The following ULK4 variants were observed in gnomAD, a reference collection of about 807,000 sequenced individuals.
The protein encoded by ULK4 is unc-51 like kinase 4.
Under a neutral mutation model 160.6 loss-of-function variants are expected in ULK4, and 133 were observed. The observed-to-expected ratio is 0.83, with a 90% CI of 0.72 to 0.96. The LOEUF (loss-of-function observed/expected upper bound fraction) is 0.96, where lower values mean the gene tolerates loss of function less well. Among genes scored for constraint, ULK4 ranks in the 40% least tolerant of loss-of-function variants. ULK4 has a pLI of 0.00. For missense variants in ULK4, 1,580 were observed against 1,499.5 expected (o/e 1.05, Z -0.89); for synonymous variants, 534 against 539.8 (o/e 0.99, Z 0.15).
intron 20 of ULK4, among the ~76,000 whole-genome samples, chr3:41,795,195 C>T (rs984567189): frequency 1.2e-4 from 19 of 152,188 alleles, no homozygotes; most frequent in African/African-American, 4.1e-4. Flanking sequence ...CTTCCAAATG[C>T]ATATACTCAG....
intron 32 of ULK4, among the ~76,000 whole-genome samples, chr3:41,510,090 C>T (rs1235299926): frequency 1.3e-5 from 2 of 152,082 alleles, no homozygotes. Context: ...GGAGAGTCAC[C>T]TAACACATAA....
At chr3:41,793,000 A>G (rs12185908) in intron 20 of ULK4, among the ~76,000 whole-genome samples, 1 of 151,990 alleles carries the variant, frequency 6.6e-6, no homozygotes, top group Non-Finnish European at 1.5e-5. Flanking sequence ...AGGTAAAACC[A>G]CATCTCTACT....
At chr3:41,842,762 C>A (rs2041966914) in intron 17 of ULK4, among the ~76,000 whole-genome samples, 1 of 152,182 alleles carries the variant, frequency 6.6e-6, no homozygotes, top group African/African-American at 2.4e-5. Context: ...TATAAATTAT[C>A]CTGCCTCAGG....
At chr3:41,374,107 T>C (rs1274301375) in intron 35 of ULK4, among the ~76,000 whole-genome samples, 5 of 152,134 alleles carry the variant, frequency 3.3e-5, no homozygotes, top group African/African-American at 1.2e-4. Flanking sequence ...AATCCCTGAA[T>C]AGACCAAAAA....
Position 41,831,531 on chromosome 3 carries a change from A to ATATATATATATTTTTTT in ULK4, c.1764+4332_1764+4333insAAAAAAATATATATATA. On this transcript the variant is annotated intron_variant, in intron 18 of 36. Coordinates refer to ENST00000301831, the MANE Select transcript of ULK4 (RefSeq NM_017886.4). The stretch of plus-strand genomic sequence containing the variant: ...TTATTGTTATTTTATATATATATAT[A>ATATATATATATTTTTTT]TTTTTTTTTCTTTCTTAAACTTTAG... Among the ~76,000 whole-genome samples, 26 of 138,128 alleles carry ATATATATATATTTTTTT rather than the reference A, an allele frequency of 1.9e-4. No individual in the cohort carries two copies. The East Asian group carries it at 2.7e-3, about 15-fold the overall frequency. The allele number at this position is 138,128 out of a possible 152,430, so 90.6% of individuals were successfully genotyped here. A position where few individuals can be genotyped will look rare whatever the true frequency, so the allele number is the denominator to read the frequency against.
intron 17 of ULK4, among the ~76,000 whole-genome samples, chr3:41,861,631 T>C (rs1472853974): frequency 6.6e-6 from 1 of 152,162 alleles, no homozygotes; most frequent in Non-Finnish European, 1.5e-5. Flanking sequence ...TTGTCTTCTT[T>C]GGGTTAAATC....
At chr3:41,615,799 C>A in intron 30 of ULK4, 82 bp from the exon 31 acceptor site, 6 of 1,264,728 alleles carry the variant, frequency 4.7e-6, no homozygotes, top group Non-Finnish European at 6.7e-6. Context: ...GCACCTCAGC[C>A]CCCATGTTTT....
chr3:41,250,966 C>A (rs146673428), intron 35 of ULK4: 2 of 152,150 alleles, frequency 1.3e-5, no homozygotes, highest in Non-Finnish European at 2.9e-5. Context: ...TGAGGATTCC[C>A]ACTTCATTTT....
At chr3:41,568,360 T>C (rs951745485) in intron 31 of ULK4, among the ~76,000 whole-genome samples, 44 of 152,156 alleles carry the variant, frequency 2.9e-4, no homozygotes, top group African/African-American at 1.1e-3. Flanking sequence ...TGAGCAAAGA[T>C]TTAAAGAAGT....
chr3:41,758,170 T>C (rs2038868694), intron 21 of ULK4, among the ~76,000 whole-genome samples: 1 of 152,114 alleles, frequency 6.6e-6, no homozygotes, highest in African/African-American at 2.4e-5. Context: ...GGGCCCACAA[T>C]AGACACCAAA....
intron 16 of ULK4, among the ~76,000 whole-genome samples, chr3:41,890,239 T>TC (rs1697869854): frequency 6.6e-6 from 1 of 151,910 alleles, no homozygotes; most frequent in African/African-American, 2.4e-5. Flanking sequence ...GAATTATACC[T>TC]CAATAAACAA....
chr3:41,715,302 T>A lies in ULK4; in HGVS notation c.2578-9A>T. On this transcript the variant is annotated splice_polypyrimidine_tract_variant and intron_variant, in intron 24 of 36. Coordinates refer to ENST00000301831, the MANE Select transcript of ULK4 (RefSeq NM_017886.4). ...ACTTGAGGTCGAAATACCTGTGTGA[T>A]GAGAGTTTCTACAGATTAAATTCTG... 1 of 1,613,848 alleles carries A rather than the reference T, an allele frequency of 6.2e-7. No individual in the cohort carries two copies. The highest frequency in any genetic ancestry group is 8.5e-7 in the Non-Finnish European group (1 of 1,179,942).
chr3:41,417,382 T>C (rs1377603264), intron 34 of ULK4, among the ~76,000 whole-genome samples: 2 of 152,070 alleles, frequency 1.3e-5, no homozygotes, highest in Non-Finnish European at 2.9e-5. Flanking sequence ...TGACAAAACA[T>C]AGCTGAAACA....
intron 31 of ULK4, among the ~76,000 whole-genome samples, chr3:41,576,668 T>TA (rs974338721): frequency 2.0e-5 from 3 of 152,096 alleles, no homozygotes; most frequent in African/African-American, 4.8e-5. Flanking sequence ...TACAAAAGGA[T>TA]AAAAAAGGCC....
rs2085020578 is a variant in ULK4 at position 41,497,101 on chromosome 3, A to T, written c.3227-33848T>A. Among the ~76,000 whole-genome samples the T allele has an allele frequency of 2.0e-5, 3 of 152,180 alleles. No individual in the cohort carries two copies. The Middle Eastern group carries it at 0.01, about 521-fold the overall frequency. ...GATGATACAGGTTTTAAAGCAGCTA[A>T]TGATAATATGTTGAAAGACATAAAA... On this transcript the variant is annotated intron_variant, in intron 32 of 36. Transcript: ENST00000301831.
At chr3:41,773,982 T>C (rs982082049) in intron 21 of ULK4, among the ~76,000 whole-genome samples, 3 of 152,202 alleles carry the variant, frequency 2.0e-5, no homozygotes, top group Admixed American at 6.5e-5. Flanking sequence ...AAGGATTCCC[T>C]ATTTAATAAA....
intron 2 of ULK4, among the ~76,000 whole-genome samples, chr3:41,948,160 G>C (rs1451178286): frequency 1.3e-5 from 2 of 152,018 alleles, no homozygotes; most frequent in Non-Finnish European, 2.9e-5. Context: ...CATCATGAAA[G>C]AATATTTAAG....
chr3:41,649,770 A>G (rs546029919), intron 30 of ULK4, among the ~76,000 whole-genome samples: 32 of 152,366 alleles, frequency 2.1e-4, no homozygotes, highest in Non-Finnish European at 4.1e-4. Context: ...CAGAAGGCAG[A>G]CAGGTTCCTG....
At chr3:41,913,805 A>C (rs1051313538) in intron 8 of ULK4, among the ~76,000 whole-genome samples, 2 of 152,114 alleles carry the variant, frequency 1.3e-5, no homozygotes, top group Non-Finnish European at 2.9e-5. Context: ...TCTACAAAAA[A>C]TACAAAAATT....
Sources: gnomAD v4.1 joint callset for allele counts (sites outside exome capture counted in the v4.1 genomes callset) on GRCh38, gnomAD v4.1.1 for gene constraint, MANE v1.5 for transcripts, NCBI Gene and HGNC (gene_info 2026-07-23, HGNC 2026-07-21) for gene names.